Variants in GALNT13 observed in about 807,000 individuals in gnomAD.
GALNT13 encodes UDP-GalNAc:polypeptide N-acetylgalactosaminyltransferase 13.
In GALNT13, 28 loss-of-function variants were observed where a neutral mutation model predicts 64.2. The ratio of observed to expected loss-of-function variants is 0.44; its 90% CI spans 0.32 to 0.60. The LOEUF (loss-of-function observed/expected upper bound fraction) is 0.60, where lower values mean the gene tolerates loss of function less well. Ranked by LOEUF, GALNT13 falls within the 20% of genes least tolerant of loss-of-function variation. The probability of loss-of-function intolerance (pLI) is 0.05; values close to 1 mark genes in which losing one functional copy is unlikely to be tolerated. For synonymous variants in GALNT13, 214 were observed against 224.6 expected (o/e 0.95, Z 0.42); for missense variants, 577 against 669.8 (o/e 0.86, Z 1.53).
chr2:154,321,818 A>G (rs1254294424), intron 9 of GALNT13, among the ~76,000 whole-genome samples: 4 of 152,158 alleles, frequency 2.6e-5, no homozygotes, highest in Non-Finnish European at 5.9e-5. Flanking sequence ...CATTATTTAA[A>G]ATGTCATTAA....
intron 4 of GALNT13, among the ~76,000 whole-genome samples, chr2:154,145,297 T>C (rs1049352844): frequency 6.6e-6 from 1 of 151,714 alleles, no homozygotes; most frequent in Non-Finnish European, 1.5e-5. Flanking sequence ...AAAATGACTA[T>C]TAACTAATGG....
the GALNT13 span, among the ~76,000 whole-genome samples, chr2:153,390,992 C>T: frequency 6.6e-6 from 1 of 151,902 alleles, no homozygotes; most frequent in Non-Finnish European, 1.5e-5. Context: ...CAATTTTAAA[C>T]AGGGTGGTGA....
downstream of GALNT13, among the ~76,000 whole-genome samples, chr2:154,455,880 T>C (rs1199344146): frequency 6.6e-6 from 1 of 152,194 alleles, no homozygotes; most frequent in Non-Finnish European, 1.5e-5. Context: ...GCGATACTTG[T>C]GTTATGTTAT....
chr2:153,257,173 C>T, the GALNT13 span, among the ~76,000 whole-genome samples: 20 of 152,332 alleles, frequency 1.3e-4, no homozygotes, highest in Admixed American at 4.6e-4. Flanking sequence ...TTTTTAAGCC[C>T]GTCGGAAAAG....
the GALNT13 span, among the ~76,000 whole-genome samples, chr2:153,811,721 C>T: frequency 2.0e-5 from 3 of 152,224 alleles, no homozygotes; most frequent in Non-Finnish European, 4.4e-5. Flanking sequence ...ACAATTGAAA[C>T]CACTATTTGT....
chr2:153,710,233 T>C, the GALNT13 span, among the ~76,000 whole-genome samples: 1 of 152,046 alleles, frequency 6.6e-6, no homozygotes, highest in South Asian at 2.1e-4. Flanking sequence ...CATAACTTCG[T>C]ACCTAAGAAA....
chr2:154,333,345 T>G (rs757515069), intron 9 of GALNT13, among the ~76,000 whole-genome samples: 2 of 152,120 alleles, frequency 1.3e-5, no homozygotes. Flanking sequence ...AAAAGAAATA[T>G]GAATTATTAA....
downstream of GALNT13, among the ~76,000 whole-genome samples, chr2:154,455,748 T>G (rs959112769): frequency 6.6e-6 from 1 of 152,204 alleles, no homozygotes. Flanking sequence ...TTGTTTTATA[T>G]TGGTCAATAA....
At chr2:153,745,707 A>C in the GALNT13 span, among the ~76,000 whole-genome samples, 10 of 152,202 alleles carry the variant, frequency 6.6e-5, no homozygotes, top group East Asian at 1.9e-3. Context: ...GTTTGTTTGA[A>C]GCTCCTATTT....
At chr2:153,195,998 C>T in the GALNT13 span, among the ~76,000 whole-genome samples, 1 of 152,172 alleles carries the variant, frequency 6.6e-6, no homozygotes, top group Non-Finnish European at 1.5e-5. Flanking sequence ...CTCTCTGCAG[C>T]TGGCTATCCT....
At chr2:154,259,929 G>A (rs985836419) in intron 8 of GALNT13, among the ~76,000 whole-genome samples, 5 of 152,108 alleles carry the variant, frequency 3.3e-5, no homozygotes, top group Admixed American at 6.6e-5. Flanking sequence ...CCAGGCTGGA[G>A]TGGTACAGTG....
the GALNT13 span, among the ~76,000 whole-genome samples, chr2:153,578,918 A>G: frequency 6.6e-6 from 1 of 152,232 alleles, no homozygotes. Flanking sequence ...TAAATGCTGT[A>G]AGCACTTATG....
In GALNT13 at chr2:154,365,460, C is replaced by A. The variant is rs552296762; in HGVS notation, c.1157-30531C>A. On this transcript the variant is annotated intron_variant, in intron 9 of 12. Coordinates refer to ENST00000392825, the MANE Select transcript of GALNT13 (RefSeq NM_052917.4). ...AACTTTGACCTTATGCTAGAACTTG[C>A]CGTTTTTATTATAAAAAGTTCCACA... 4.6e-5 allele frequency among the ~76,000 whole-genome samples: 7 copies of A among 152,252 alleles called. No homozygotes were observed. In the East Asian group the frequency reaches 1.4e-3, roughly 29 times the overall value.
At chr2:153,120,522 A>G in the GALNT13 span, among the ~76,000 whole-genome samples, 5 of 152,314 alleles carry the variant, frequency 3.3e-5, no homozygotes, top group Admixed American at 2.6e-4. Context: ...TGCAGCAGCT[A>G]CTTTTAATAT....
At chr2:154,367,693 A>G (rs1196167839) in intron 9 of GALNT13, among the ~76,000 whole-genome samples, 2 of 152,202 alleles carry the variant, frequency 1.3e-5, no homozygotes, top group Non-Finnish European at 2.9e-5. Context: ...CTATAAAAAG[A>G]TCTAGAAGCT....
intron 9 of GALNT13, among the ~76,000 whole-genome samples, chr2:154,384,445 T>C (rs963262254): frequency 6.6e-6 from 1 of 151,896 alleles, no homozygotes; most frequent in African/African-American, 2.4e-5. Flanking sequence ...TTTCATCTAA[T>C]TTAGACTGCC....
chr2:154,441,567 C>G (rs1701299360), intron 12 of GALNT13, among the ~76,000 whole-genome samples: 1 of 152,080 alleles, frequency 6.6e-6, no homozygotes. Context: ...CCGCTAGCAG[C>G]AGAGCTAGGA....
intron 1 of GALNT13, among the ~76,000 whole-genome samples, chr2:153,887,438 A>G (rs1194422808): frequency 6.6e-6 from 1 of 151,506 alleles, no homozygotes; most frequent in Non-Finnish European, 1.5e-5. Context: ...CCAAGTGCCA[A>G]TAAATAAATA....
intron 2 of GALNT13, among the ~76,000 whole-genome samples, chr2:153,928,485 A>G (rs539706460): frequency 6.6e-6 from 1 of 152,236 alleles, no homozygotes; most frequent in East Asian, 1.9e-4. Context: ...TTAAATCTCT[A>G]GTTTTATATC....
Sources: allele counts gnomAD v4.1 joint callset (sites outside exome capture counted in the v4.1 genomes callset), GRCh38; gene constraint gnomAD v4.1.1; transcripts MANE v1.5; gene names NCBI Gene and HGNC (gene_info 2026-07-23, HGNC 2026-07-21).